Variants in COL6A1 observed in about 807,000 individuals in gnomAD.
COL6A1 encodes collagen type VI alpha 1 chain.
A neutral mutation model predicts 145.6 loss-of-function variants in COL6A1; 80 were observed. That is an observed-to-expected ratio of 0.55 (90% confidence interval 0.46 to 0.66). The LOEUF (loss-of-function observed/expected upper bound fraction) is 0.66, where lower values mean the gene tolerates loss of function less well. COL6A1 is among the 30% of genes least tolerant of loss of function. COL6A1 has a pLI of 0.00. For synonymous variants in COL6A1, 638 were observed against 622.8 expected (o/e 1.02, Z -0.36); for missense variants, 1,364 against 1,473.8 (o/e 0.93, Z 1.22).
chr21:46,002,909 T>G (rs2077856954), intron 33 of COL6A1, among the ~76,000 whole-genome samples, 199 bp downstream of exon 33: 1 of 149,442 alleles, frequency 6.7e-6, no homozygotes, highest in Non-Finnish European at 1.5e-5. Flanking sequence ...AGAGGCCTCC[T>G]CCCAGCTCAC....
At chr21:45,996,979 G>A (rs945896626) in intron 20 of COL6A1, among the ~76,000 whole-genome samples, 3 of 152,172 alleles carry the variant, frequency 2.0e-5, no homozygotes, top group Admixed American at 6.5e-5. Flanking sequence ...CATGAGGGAG[G>A]GCAGTCTGGG....
chr21:45,982,564 G>T (rs2077714102), intron 1 of COL6A1, 70 bp from the exon 2 acceptor site: 2 of 1,606,508 alleles, frequency 1.2e-6, no homozygotes, highest in South Asian at 2.2e-5. Context: ...CTGGCCGGGA[G>T]GGCAGGCCCA....
rs117583120 is a variant in COL6A1, at chr21:46,003,735, A to G, written c.2809A>G (p.Lys937Glu). The G allele has an allele frequency of 1.3e-3, 2,033 of 1,612,900 alleles. 2 individuals are homozygous for G. Among genetic ancestry groups the G allele is most frequent in the Non-Finnish European group, 1.7e-3 (1,950 of 1,179,882 alleles). ...YREASSGAAK[K>E]RLLLFSDGNS... Reference sequence around the variant, plus strand: ...CGAGGCCTCGTCCGGCGCTGCCAAGAAGAGGCTGCTGCTCTTCTCAGATGG... The same window carrying G: ...CGAGGCCTCGTCCGGCGCTGCCAAGGAGAGGCTGCTGCTCTTCTCAGATGG... The change falls in exon 35 of 35, where the codon AAG becomes GAG. Residue 937 changes from lysine to glutamate, a missense_variant. Lys to Glu is a moderately conservative substitution (Grantham distance 56). Around this residue, in one of 3 missense-constraint regions of COL6A1, gnomAD observed 938 missense variants for 1,003.8 expected, o/e 0.93. Transcript: ENST00000361866.
In COL6A1 at chr21:46,003,615, T is replaced by C. The variant is rs1425056516; in HGVS notation, c.2689T>C (p.Tyr897His). ...GGCGTCGCTGCAGTTCCTGCAGAAC[T>C]ACACGGCCCTGGCCAGTGCCGTCGA... Reference protein sequence around the residue: ...ERASLQFLQNYTALASAVDAM... With the variant: ...ERASLQFLQNHTALASAVDAM... Residue 897 changes from tyrosine (Y) to histidine (H), a missense_variant, in exon 35 of 35, where the codon TAC becomes CAC. By Grantham distance (83) the Tyr-to-His change is moderately conservative. This residue lies in a region of COL6A1 where 938 missense variants were observed against 1,003.8 expected (regional missense o/e 0.93). Transcript: ENST00000361866. The C allele has an allele frequency of 6.2e-7, 1 of 1,612,902 alleles. No individual in the cohort carries two copies.
chr21:45,990,547 A>AGGGGAAGGAC (rs2077770502), intron 13 of COL6A1, 125 bp downstream of exon 13: 4 of 423,772 alleles, frequency 9.4e-6, no homozygotes, highest in Non-Finnish European at 1.5e-5. Flanking sequence ...GAAGGTGACC[A>AGGGGAAGGAC]GGGGAAGGAC....
chr21:46,000,595 C>T (rs376240731), intron 28 of COL6A1, among the ~76,000 whole-genome samples, 164 bp from the exon 29 acceptor site: 7 of 151,432 alleles, frequency 4.6e-5, no homozygotes, highest in African/African-American at 9.7e-5. Flanking sequence ...GTGGGGAGGG[C>T]GGCCGGGGAG....
At position 45,987,667 on chromosome 21, in the gene COL6A1, T is replaced by A; in HGVS notation, c.804+13T>A. On this transcript the variant is annotated intron_variant, in intron 8 of 34. Coordinates refer to ENST00000361866, the MANE Select transcript of COL6A1 (RefSeq NM_001848.3). ...CCCCGGCTTTGAGGTGAGTGGTGAC[T>A]CCTGCTCCTCCCATGTGTTGTGGGG... 6.2e-7 allele frequency: 1 copy of A among 1,606,192 alleles called. No individual in the cohort carries two copies. Among genetic ancestry groups the A allele is most frequent in the African/African-American group, 1.3e-5 (1 of 74,996 alleles).
intron 2 of COL6A1, among the ~76,000 whole-genome samples, 186 bp from the exon 3 acceptor site, chr21:45,984,083 C>T (rs2077723570): frequency 6.6e-6 from 1 of 152,202 alleles, no homozygotes; most frequent in South Asian, 2.1e-4. Context: ...AGGTCGCTTG[C>T]TGGCCACACC....
chr21:45,999,611 G>A (rs1236673916), intron 26 of COL6A1, 46 bp from the exon 27 acceptor site: 3 of 1,608,060 alleles, frequency 1.9e-6, no homozygotes, highest in Non-Finnish European at 1.7e-6. Flanking sequence ...AGGAAGCACA[G>A]TGGGCTCCTC....
rs1339806588 is a variant in COL6A1, at chr21:46,003,820, C to T, written c.2894C>T (p.Ala965Val). The T allele has an allele frequency of 9.3e-6, 15 of 1,606,248 alleles. No individual in the cohort carries two copies. In the South Asian group the frequency reaches 1.2e-4, roughly 13 times the overall value. Residue 965 changes from alanine to valine, a missense_variant, in exon 35 of 35, where the codon GCA (alanine) becomes GTA (valine). Physicochemically the swap from Ala to Val is moderately conservative, Grantham distance 64. This residue lies in a region of COL6A1 where 938 missense variants were observed against 1,003.8 expected (regional missense o/e 0.93). Coordinates refer to ENST00000361866, the MANE Select transcript of COL6A1 (RefSeq NM_001848.3). ...AAGGCCGTGCAGGAAGCCCAGCGGG[C>T]AGGCATCGAGATCTTCGTGGTGGTC... ...IEKAVQEAQR[A>V]GIEIFVVVVG...
intron 2 of COL6A1, among the ~76,000 whole-genome samples, chr21:45,983,603 T>C (rs545392924): frequency 2.1e-4 from 32 of 150,856 alleles, no homozygotes; most frequent in South Asian, 2.1e-4. Flanking sequence ...GCAGGAGCCA[T>C]TGGTACCAGG....
At chr21:45,988,803 G>A (rs775852283) in intron 8 of COL6A1, among the ~76,000 whole-genome samples, 1 of 152,120 alleles carries the variant, frequency 6.6e-6, no homozygotes, top group African/African-American at 2.4e-5. Context: ...TTTCCTGGGG[G>A]TCGAGCTGTG....
Position 45,982,647 on chromosome 21 carries a change from C to G in COL6A1, c.111C>G (p.Asp37Glu). The stretch of plus-strand genomic sequence containing the variant: ...ATCTTCGGCCAGACTGCCCCGTGGA[C>G]CTGTTCTTTGTGCTGGACACCTCTG... ...RAVAFQDCPV[D>E]LFFVLDTSES... The change falls in exon 2 of 35, where the codon GAC (aspartate) becomes GAG (glutamate). Residue 37 changes from aspartate to glutamate, a missense_variant. By Grantham distance (45) the Asp-to-Glu change is conservative (BLOSUM62 2). Coordinates refer to ENST00000361866, the MANE Select transcript of COL6A1 (RefSeq NM_001848.3). 1 of 1,612,852 alleles carries G rather than the reference C, an allele frequency of 6.2e-7. No individual in the cohort carries two copies. Among genetic ancestry groups the G allele is most frequent in the Non-Finnish European group, 8.5e-7 (1 of 1,179,954 alleles).
At position 45,992,496 on chromosome 21, in the gene COL6A1, T is replaced by C. The variant is rs150780004; in HGVS notation, c.1272+98T>C. The C allele has an allele frequency of 8.9e-4, 1,259 of 1,416,752 alleles. 10 individuals carry two copies. In the African/African-American group the frequency reaches 0.015, roughly 17 times the overall value. 87.8% of individuals were successfully genotyped at this position (1,416,752 alleles called of 1,614,324 possible). ...CTGGCCCTCCCAGCACTGAGAGCCA[T>C]GGCCTCCTGCCCAAGACAAATGGGT... On this transcript the variant is annotated intron_variant, in intron 18 of 34. Coordinates refer to ENST00000361866, the MANE Select transcript of COL6A1 (RefSeq NM_001848.3).
rs373943809 is a variant in COL6A1 at position 45,991,960 on chromosome 21, C to T, written c.1120-50C>T. The T allele has an allele frequency of 9.5e-5, 146 of 1,541,572 alleles. No individual in the cohort carries two copies. The African/African-American group carries it at 1.6e-3, about 17-fold the overall frequency. On this transcript the variant is annotated intron_variant, in intron 15 of 34. Coordinates refer to ENST00000361866, the MANE Select transcript of COL6A1 (RefSeq NM_001848.3). ...TGGATGTGGCCTCTGATGGCTGCAC[C>T]CCTGGTGCACACCCCTGCCAGCGTG...
intron 30 of COL6A1, 64 bp from the exon 31 acceptor site, chr21:46,001,897 C>T (rs2077847761): frequency 6.9e-7 from 1 of 1,448,702 alleles, no homozygotes; most frequent in Non-Finnish European, 9.6e-7. Flanking sequence ...ATAGAGTCAC[C>T]CTTGGGAAGC....
At chr21:45,993,508 G>A (rs1022592808) in intron 19 of COL6A1, among the ~76,000 whole-genome samples, 10 of 152,232 alleles carry the variant, frequency 6.6e-5, no homozygotes, top group African/African-American at 2.4e-4. Flanking sequence ...CAGCGCCCCC[G>A]GGTGCCCCCT....
At chr21:45,989,271 G>A in intron 9 of COL6A1, 134 bp downstream of exon 9, 2 of 991,320 alleles carry the variant, frequency 2.0e-6, no homozygotes, top group Non-Finnish European at 3.0e-6. Flanking sequence ...GGTGGGAGCA[G>A]ACCTGGAGGG....
intron 30 of COL6A1, 63 bp from the exon 31 acceptor site, chr21:46,001,898 C>T: frequency 6.9e-7 from 1 of 1,459,340 alleles, no homozygotes; most frequent in Non-Finnish European, 9.5e-7. Flanking sequence ...TAGAGTCACC[C>T]TTGGGAAGCT....
Sources: gnomAD v4.1 joint callset for allele counts (sites outside exome capture counted in the v4.1 genomes callset) on GRCh38, gnomAD v4.1.1 for gene constraint, gnomAD v4.1.1 regional missense constraint, MANE v1.5 for transcripts, NCBI Gene and HGNC (gene_info 2026-07-23, HGNC 2026-07-21) for gene names.